MAML2: variants seen among roughly 807,000 people sequenced by gnomAD.
MAML2 encodes mastermind like transcriptional coactivator 2, also known as mastermind-like protein 2.
In MAML2, 22 loss-of-function variants were observed where a neutral mutation model predicts 96.1. That is an observed-to-expected ratio of 0.23 (90% CI 0.16 to 0.33). MAML2 has a LOEUF of 0.33. Among genes scored for constraint, MAML2 ranks in the 10% least tolerant of loss-of-function variants. The pLI, the probability that MAML2 is intolerant of heterozygous loss-of-function variation, is 1.00. For missense variants in MAML2, 1,367 were observed against 1,392.4 expected, an observed-to-expected ratio of 0.98 and a Z score of 0.29; for synonymous variants, 561 against 521.3, an observed-to-expected ratio of 1.08 and a Z score of -1.04.
intron 3 of MAML2, among the ~76,000 whole-genome samples, chr11:95,986,381 T>A (rs1054370215): frequency 2.0e-5 from 3 of 151,886 alleles, no homozygotes; most frequent in African/African-American, 4.8e-5. Context: ...TATTTTTTTT[T>A]AATAGAGATG....
chr11:96,179,278 G>A (rs1384771506), intron 1 of MAML2, among the ~76,000 whole-genome samples: 2 of 152,192 alleles, frequency 1.3e-5, no homozygotes, highest in African/African-American at 4.8e-5. Context: ...CCAAAAGGAA[G>A]GATATGAATA....
intron 1 of MAML2, among the ~76,000 whole-genome samples, chr11:96,111,080 G>T (rs969214645): frequency 6.6e-6 from 1 of 152,068 alleles, no homozygotes; most frequent in Non-Finnish European, 1.5e-5. Context: ...AGGGGTAGTG[G>T]GAAGGACAGA....
intron 1 of MAML2, among the ~76,000 whole-genome samples, chr11:96,326,040 G>C (rs1387503217): frequency 6.6e-6 from 1 of 151,492 alleles, no homozygotes; most frequent in African/African-American, 2.4e-5. Flanking sequence ...GCTGTGCATT[G>C]TATCACCGTT....
chr11:96,280,658 C>T (rs1863052637), intron 1 of MAML2, among the ~76,000 whole-genome samples: 3 of 152,190 alleles, frequency 2.0e-5, no homozygotes, highest in Admixed American at 2.0e-4. Context: ...CTGCCTTACC[C>T]CACAGCTATT....
At chr11:96,296,918 G>C (rs934737045) in intron 1 of MAML2, among the ~76,000 whole-genome samples, 1 of 152,326 alleles carries the variant, frequency 6.6e-6, no homozygotes, top group South Asian at 2.1e-4. Context: ...CAAATGCTCT[G>C]TTTGCTCAGT....
At chr11:96,204,023 G>T (rs1195707813) in intron 1 of MAML2, among the ~76,000 whole-genome samples, 1 of 152,072 alleles carries the variant, frequency 6.6e-6, no homozygotes, top group South Asian at 2.1e-4. Context: ...GGGATACAGC[G>T]GGAACCCAGG....
At chr11:95,984,940 C>T (rs2509093) in intron 4 of MAML2, among the ~76,000 whole-genome samples, 7 of 152,114 alleles carry the variant, frequency 4.6e-5, no homozygotes, top group Non-Finnish European at 7.4e-5. Flanking sequence ...GTTTCATGAG[C>T]GGGAGGAGAG....
At chr11:96,140,315 G>T (rs555804095) in intron 1 of MAML2, among the ~76,000 whole-genome samples, 2 of 152,146 alleles carry the variant, frequency 1.3e-5, no homozygotes, top group East Asian at 3.8e-4. Context: ...TATTTTTCTT[G>T]TTAGTTCTTT....
At chr11:96,067,329 A>C (rs1312861440) in intron 2 of MAML2, among the ~76,000 whole-genome samples, 3 of 152,222 alleles carry the variant, frequency 2.0e-5, no homozygotes, top group Non-Finnish European at 2.9e-5. Flanking sequence ...CAAGACACGG[A>C]CTGCCTTTCA....
chr11:96,166,065 C>A (rs1402043523), intron 1 of MAML2, among the ~76,000 whole-genome samples: 1 of 152,048 alleles, frequency 6.6e-6, no homozygotes, highest in Middle Eastern at 3.4e-3. Flanking sequence ...TCATTGAATG[C>A]CAGCATTTCT....
intron 1 of MAML2, among the ~76,000 whole-genome samples, chr11:96,119,289 G>A (rs1327712178): frequency 6.6e-6 from 1 of 152,208 alleles, no homozygotes; most frequent in East Asian, 1.9e-4. Flanking sequence ...CCAGGTGAAT[G>A]TCATGTAATC....
chr11:96,014,973 G>A (rs1033611855), intron 2 of MAML2, among the ~76,000 whole-genome samples: 27 of 152,214 alleles, frequency 1.8e-4, no homozygotes, highest in Non-Finnish European at 1.9e-4. Context: ...CTTTATACAC[G>A]ATCACATTTC....
chr11:96,063,022 T>C (rs1859190790), intron 2 of MAML2, among the ~76,000 whole-genome samples: 1 of 152,232 alleles, frequency 6.6e-6, no homozygotes, highest in South Asian at 2.1e-4. Flanking sequence ...TAGTATGGCT[T>C]ATACTCATAC....
At chr11:96,009,885 G>C (rs182326114) in intron 2 of MAML2, among the ~76,000 whole-genome samples, 2 of 152,236 alleles carry the variant, frequency 1.3e-5, no homozygotes, top group South Asian at 2.1e-4. Context: ...TTACAAAAAG[G>C]TCATGTATTC....
At chr11:96,119,517 C>T (rs1860299456) in intron 1 of MAML2, among the ~76,000 whole-genome samples, 1 of 152,162 alleles carries the variant, frequency 6.6e-6, no homozygotes, top group South Asian at 2.1e-4. Context: ...ATTTCTGACC[C>T]CTTGAAGTGT....
chr11:96,305,138 A>C (rs999142348), intron 1 of MAML2, among the ~76,000 whole-genome samples: 1 of 152,222 alleles, frequency 6.6e-6, no homozygotes, highest in Non-Finnish European at 1.5e-5. Context: ...TTAAAATTAA[A>C]GCTATTACAT....
intron 1 of MAML2, among the ~76,000 whole-genome samples, chr11:96,188,642 GT>G (rs59712583): frequency 0.012 from 1,740 of 148,436 alleles, 28 homozygotes; most frequent in African/African-American, 0.029. Context: ...GAGGAAGTCA[GT>G]TTTTTTTTTT....
At chr11:96,303,381 G>A (rs1345841997) in intron 1 of MAML2, among the ~76,000 whole-genome samples, 1 of 152,024 alleles carries the variant, frequency 6.6e-6, no homozygotes. Flanking sequence ...TGTTTCCTTT[G>A]GTAATCTTTC....
intron 1 of MAML2, among the ~76,000 whole-genome samples, chr11:96,110,101 A>G (rs983313741): frequency 1.3e-5 from 2 of 152,184 alleles, no homozygotes; most frequent in African/African-American, 2.4e-5. Context: ...CACCTGCGAT[A>G]GGGCAGAGCC....
Sources: allele counts gnomAD v4.1 joint callset (sites outside exome capture counted in the v4.1 genomes callset), GRCh38; gene constraint gnomAD v4.1.1; transcripts MANE v1.5; gene names NCBI Gene and HGNC (gene_info 2026-07-23, HGNC 2026-07-21).